The following RBFOX1 variants were observed in gnomAD, a reference collection of about 807,000 sequenced individuals.
The protein encoded by RBFOX1 is RNA binding fox-1 homolog 1, also known as RNA binding protein fox-1 homolog 1.
RBFOX1 carries 8 observed loss-of-function variants against 57.7 expected under a neutral mutation model. The ratio of observed to expected loss-of-function variants is 0.14; its 90% CI spans 0.08 to 0.25. RBFOX1 has a LOEUF of 0.25. Ranked by LOEUF, RBFOX1 falls within the 10% of genes least tolerant of loss-of-function variation. The pLI is 1.00. For synonymous variants in RBFOX1, 326 were observed against 222.4 expected (o/e 1.47, Z -4.15); for missense variants, 611 against 548.5 (o/e 1.11, Z -1.14).
At chr16:6,544,387 T>C (rs2096866514) in intron 2 of RBFOX1, among the ~76,000 whole-genome samples, 1 of 152,204 alleles carries the variant, frequency 6.6e-6, no homozygotes, top group Non-Finnish European at 1.5e-5. Context: ...GAGGAACACC[T>C]GGCAAACATT....
At chr16:6,496,076 A>C (rs1207743964) in intron 2 of RBFOX1, among the ~76,000 whole-genome samples, 1 of 152,246 alleles carries the variant, frequency 6.6e-6, no homozygotes, top group Non-Finnish European at 1.5e-5. Flanking sequence ...GATTCCATGA[A>C]ATGTTAACAA....
In RBFOX1 at chr16:7,048,115, G is replaced by A. The variant is rs149869291; in HGVS notation, c.-15-3942G>A. ...GCTGGTCTCAAATTCCTGACCTCAG[G>A]TGATCCGACCCGCTTGGCTTCCCAA... is the stretch of plus-strand genomic sequence containing the variant. On this transcript the variant is annotated intron_variant, in intron 3 of 15. Coordinates refer to ENST00000550418, the MANE Select transcript of RBFOX1 (RefSeq NM_018723.4). 2.5e-3 allele frequency among the ~76,000 whole-genome samples: 387 copies of A among 152,226 alleles called. 1 individual carries two copies. Among genetic ancestry groups the A allele is most frequent in the African/African-American group, 8.1e-3 (338 of 41,544 alleles).
intron 3 of RBFOX1, among the ~76,000 whole-genome samples, chr16:6,979,325 T>C (rs1213844503): frequency 2.0e-5 from 3 of 152,194 alleles, no homozygotes; most frequent in African/African-American, 7.2e-5. Context: ...TAGCATTCAG[T>C]TGAGGGTAGC....
At chr16:6,931,802 A>C (rs2076605265) in intron 3 of RBFOX1, among the ~76,000 whole-genome samples, 1 of 152,162 alleles carries the variant, frequency 6.6e-6, no homozygotes, top group Non-Finnish European at 1.5e-5. Context: ...AAGAAAAATA[A>C]GTTTACTCAG....
intron 1 of RBFOX1, among the ~76,000 whole-genome samples, chr16:6,059,518 G>A (rs920202370): frequency 1.3e-5 from 2 of 151,960 alleles, no homozygotes; most frequent in African/African-American, 4.8e-5. Flanking sequence ...ATATTTAAAT[G>A]TATTTTTAAG....
intron 3 of RBFOX1, among the ~76,000 whole-genome samples, chr16:6,832,585 C>T (rs12935654): frequency 0.38 from 57,899 of 152,030 alleles, 12,208 homozygotes; most frequent in East Asian, 0.65. Flanking sequence ...GCAGCAGCCG[C>T]AGACGGAAAG....
chr16:7,126,934 G>T (rs560386948), intron 4 of RBFOX1, among the ~76,000 whole-genome samples: 9 of 151,342 alleles, frequency 5.9e-5, no homozygotes, highest in Admixed American at 2.0e-4. Context: ...GCTTAAACCC[G>T]GGAGGCAGAG....
At chr16:5,266,023 C>T (rs528214849) in intron 1 of RBFOX1, among the ~76,000 whole-genome samples, 1 of 149,974 alleles carries the variant, frequency 6.7e-6, no homozygotes, top group Non-Finnish European at 1.5e-5. Context: ...CAAATCCTAG[C>T]TCTAAAGGCA....
Position 6,280,290 on chromosome 16 carries a change from G to A in RBFOX1, c.-126-36705G>A, listed in dbSNP as rs74005068. ...AGGACAGCCGCCTCCCTCCGTCCTC[G>A]CTTCTCACAACTTCTGGGGCTGCCT... is the stretch of plus-strand genomic sequence containing the variant. On this transcript the variant is annotated intron_variant, in intron 1 of 15. Coordinates refer to ENST00000550418, the MANE Select transcript of RBFOX1 (RefSeq NM_018723.4). Among the ~76,000 whole-genome samples, 495 of 152,166 alleles carry A rather than the reference G, an allele frequency of 3.3e-3. 2 individuals are homozygous for A. The highest frequency in any genetic ancestry group is 0.011 in the African/African-American group (468 of 41,514).
chr16:5,786,397 C>A lies in RBFOX1; in HGVS notation c.319-80906C>A, dbSNP rs373261584. Among the ~76,000 whole-genome samples the A allele has an allele frequency of 7.2e-5, 11 of 152,246 alleles. No individual in the cohort carries two copies. In the South Asian group the frequency reaches 1.9e-3, roughly 26 times the overall value. On this transcript the variant is annotated intron_variant, in intron 3 of 19. Transcript: ENST00000641259. ...TGCTCATGTAGCACTTTGCTCACTG[C>A]TGCTTCTTGGTGTGTCTCTACCACT...
chr16:5,704,159 G>T (rs919614981), intron 3 of RBFOX1, among the ~76,000 whole-genome samples: 4 of 152,114 alleles, frequency 2.6e-5, no homozygotes, highest in African/African-American at 9.7e-5. Flanking sequence ...AAGAGGGGAG[G>T]TCCCAAATGC....
At chr16:6,850,072 C>A (rs1043362610) in intron 3 of RBFOX1, among the ~76,000 whole-genome samples, 3 of 152,150 alleles carry the variant, frequency 2.0e-5, no homozygotes, top group Admixed American at 2.0e-4. Flanking sequence ...ACCTTCTTAA[C>A]CGAGTCGATT....
chr16:6,641,067 C>T (rs1245503179), intron 2 of RBFOX1, among the ~76,000 whole-genome samples: 1 of 152,252 alleles, frequency 6.6e-6, no homozygotes. Context: ...TCCCGATCTT[C>T]ACTTCAGTTG....
intron 5 of RBFOX1, among the ~76,000 whole-genome samples, chr16:7,553,789 C>A (rs921582790): frequency 1.3e-5 from 2 of 152,182 alleles, no homozygotes; most frequent in East Asian, 1.9e-4. Context: ...ACTCATAAAC[C>A]AAGGAGGCTG....
intron 2 of RBFOX1, among the ~76,000 whole-genome samples, chr16:5,562,197 C>A (rs1468084347): frequency 6.6e-6 from 1 of 152,122 alleles, no homozygotes; most frequent in African/African-American, 2.4e-5. Context: ...TATTTCTGCT[C>A]CATCCAAGTT....
intron 12 of RBFOX1, among the ~76,000 whole-genome samples, chr16:7,660,099 T>C: frequency 6.6e-6 from 1 of 152,072 alleles, no homozygotes; most frequent in Non-Finnish European, 1.5e-5. Flanking sequence ...GTGGCTGGTA[T>C]ATATCATATT....
chr16:5,897,480 G>T (rs2058196203), intron 4 of RBFOX1, among the ~76,000 whole-genome samples: 1 of 152,130 alleles, frequency 6.6e-6, no homozygotes, highest in Admixed American at 6.5e-5. Flanking sequence ...CATATGAGTA[G>T]GATCAATGTT....
chr16:5,353,225 A>T (rs2065303866), intron 1 of RBFOX1, among the ~76,000 whole-genome samples: 1 of 152,070 alleles, frequency 6.6e-6, no homozygotes, highest in South Asian at 2.1e-4. Flanking sequence ...AATAAATACA[A>T]AAATTAGCCA....
At chr16:6,654,339 G>T (rs367662281) in intron 2 of RBFOX1, among the ~76,000 whole-genome samples, 1 of 152,172 alleles carries the variant, frequency 6.6e-6, no homozygotes, top group African/African-American at 2.4e-5. Context: ...TCTTTGCTGT[G>T]ACCTCTGATC....
Sources: allele counts gnomAD v4.1 joint callset (sites outside exome capture counted in the v4.1 genomes callset), GRCh38; gene constraint gnomAD v4.1.1; transcripts MANE v1.5; gene names NCBI Gene and HGNC (gene_info 2026-07-23, HGNC 2026-07-21).